RIMBP2: variants seen among roughly 807,000 people sequenced by gnomAD.
The protein encoded by RIMBP2 is RIMS-binding protein 2.
Under a neutral mutation model 118.6 loss-of-function variants are expected in RIMBP2, and 48 were observed. That is an observed-to-expected ratio of 0.40 (90% CI 0.32 to 0.51). RIMBP2 has a LOEUF of 0.51. RIMBP2 is among the 20% of genes least tolerant of loss of function. The pLI, the probability that RIMBP2 is intolerant of heterozygous loss-of-function variation, is 0.41. For synonymous variants in RIMBP2, 762 were observed against 742.9 expected, an observed-to-expected ratio of 1.03 and a Z score of -0.42; for missense variants, 1,551 against 1,768.3, an observed-to-expected ratio of 0.88 and a Z score of 2.20.
chr12:130,565,422 G>T (rs1288077435), intron 2 of RIMBP2, among the ~76,000 whole-genome samples: 1 of 152,104 alleles, frequency 6.6e-6, no homozygotes, highest in African/African-American at 2.4e-5. Context: ...TCTCCCCAAT[G>T]GATCATGAGT....
At position 130,703,495 on chromosome 12, in the gene RIMBP2, A is replaced by G. The variant is rs2065956532; in HGVS notation, c.-352+12727T>C. On this transcript the variant is annotated intron_variant, in intron 1 of 22. Coordinates refer to ENST00000690449, the MANE Select transcript of RIMBP2 (RefSeq NM_001393629.1). The surrounding 1 kb of genome is among the most constrained non-coding windows in gnomAD (Gnocchi z 5.7). ...CTCGGCCACCCGCCTGCCCTCCCCA[A>G]TCCCTCACCCACTGCTGCGACCACC... 1.3e-5 allele frequency among the ~76,000 whole-genome samples: 2 copies of G among 152,042 alleles called. No individual in the cohort carries two copies. Among genetic ancestry groups the G allele is most frequent in the East Asian group, 1.9e-4 (1 of 5,164 alleles).
rs2078633725 is a variant in RIMBP2, at chr12:130,447,520, T to G, written c.582-2251A>C. Among the ~76,000 whole-genome samples, 1 of 150,846 alleles carries G rather than the reference T, an allele frequency of 6.6e-6. No individual in the cohort carries two copies. Among genetic ancestry groups the G allele is most frequent in the Non-Finnish European group, 1.5e-5 (1 of 67,766 alleles). ...ACAGGTGATCACTGATGGGAATGGG[T>G]TCTTGAGGGGCGATGGGAGACGAGG... On this transcript the variant is annotated intron_variant, in intron 9 of 22. Transcript: ENST00000690449. This position sits in a 1 kb window ranked among gnomAD's most constrained non-coding sequence, Gnocchi z 4.4.
At chr12:130,496,916 G>T (rs540490352) in intron 4 of RIMBP2, among the ~76,000 whole-genome samples, 1 of 152,290 alleles carries the variant, frequency 6.6e-6, no homozygotes, top group East Asian at 1.9e-4. Flanking sequence ...TACACTGGGG[G>T]CTTAAAACAA....
chr12:130,411,753 G>A (rs749797154), intron 19 of RIMBP2, among the ~76,000 whole-genome samples: 25 of 152,112 alleles, frequency 1.6e-4, no homozygotes, highest in Non-Finnish European at 2.1e-4. Flanking sequence ...TAATGTGGGC[G>A]ATATATTCAC....
In RIMBP2 at chr12:130,397,313, A is replaced by G. The variant is rs2074138617; in HGVS notation, c.*48T>C. 5.0e-5 allele frequency: 20 copies of G among 398,600 alleles called. No individual in the cohort carries two copies. The East Asian group carries it at 7.1e-4, about 14-fold the overall frequency. The allele number at this position is 398,600 out of a possible 1,614,324, so 24.7% of individuals were successfully genotyped here. ...TTGAGTCATGAAAGCCCTAGTTTGGAATTAAAGAAAATTACATAGATTTGG... is the reference window on the plus strand; with the variant it reads ...TTGAGTCATGAAAGCCCTAGTTTGGGATTAAAGAAAATTACATAGATTTGG... On this transcript the variant is annotated 3_prime_UTR_variant, in exon 23 of 23. Transcript: ENST00000690449.
rs2140849525 is a variant in RIMBP2, at chr12:130,622,226, T to G, written c.-217+6096A>C. Among the ~76,000 whole-genome samples, 1 of 152,272 alleles carries G rather than the reference T, an allele frequency of 6.6e-6. No homozygotes were observed. Among genetic ancestry groups the G allele is most frequent in the Admixed American group, 6.5e-5 (1 of 15,292 alleles). On this transcript the variant is annotated intron_variant, in intron 2 of 22. Transcript: ENST00000690449. The surrounding 1 kb of genome is among the most constrained non-coding windows in gnomAD (Gnocchi z 8.5). ...GTAACAGGCAGGGCCTGTGGCTGAC[T>G]GGAGCAGACGTGAAGCCCCCACAAG...
Position 130,456,685 on chromosome 12 carries a change from G to A in RIMBP2, c.169C>T (p.Leu57=), listed in dbSNP as rs2079472947. 1 of 1,607,556 alleles carries A rather than the reference G, an allele frequency of 6.2e-7. No homozygotes were observed. Among genetic ancestry groups the A allele is most frequent in the South Asian group, 1.1e-5 (1 of 90,754 alleles). ...CTTTGAGTCCGGCATTTCTCTTCCA[G>A]CTCTCGAACCTTGGACTGCACGGCA... is the stretch of plus-strand genomic sequence containing the variant. ...VRLLESKVRE[L]EEKCRTQSEQ... Residue 57 remains leucine, a synonymous_variant, in exon 7 of 23, where the codon CTG becomes TTG. Transcript: ENST00000690449.
At chr12:130,520,260 G>C (rs1415156965) in intron 2 of RIMBP2, among the ~76,000 whole-genome samples, 1 of 152,134 alleles carries the variant, frequency 6.6e-6, no homozygotes, top group African/African-American at 2.4e-5. Context: ...TCTAAATCCT[G>C]TCCAGGAAAC....
intron 2 of RIMBP2, among the ~76,000 whole-genome samples, chr12:130,573,196 T>C (rs577354508): frequency 6.6e-6 from 1 of 152,104 alleles, no homozygotes; most frequent in East Asian, 1.9e-4. Flanking sequence ...GTATCTATAC[T>C]TATTCTATAT....
chr12:130,597,169 A>G (rs988359718), intron 2 of RIMBP2, among the ~76,000 whole-genome samples: 1 of 152,250 alleles, frequency 6.6e-6, no homozygotes, highest in African/African-American at 2.4e-5. Context: ...CTCATAAACA[A>G]AAAAAATTAT....
At chr12:130,406,484 A>C (rs2075184214) in intron 20 of RIMBP2, among the ~76,000 whole-genome samples, 1 of 152,212 alleles carries the variant, frequency 6.6e-6, no homozygotes, top group East Asian at 1.9e-4. Context: ...TTTGGCCAAA[A>C]TTCAAGATTA....
rs1189515681 is a variant in RIMBP2, at chr12:130,456,672, C to T, written c.182G>A (p.Cys61Tyr). The part of the protein sequence containing the change: ...ESKVRELEEK[C>Y]RTQSEQFNLL... ...GTTGAACTGCTCACTTTGAGTCCGG[C>T]ATTTCTCTTCCAGCTCTCGAACCTT... The change falls in exon 7 of 23, where the codon TGC (cysteine) becomes TAC (tyrosine). Residue 61 changes from cysteine (C) to tyrosine (Y), a missense_variant. Cys to Tyr is a radical substitution (Grantham distance 194, BLOSUM62 -2). Coordinates refer to ENST00000690449, the MANE Select transcript of RIMBP2 (RefSeq NM_001393629.1). 1 of 1,609,040 alleles carries T rather than the reference C, an allele frequency of 6.2e-7. No individual in the cohort carries two copies. Among genetic ancestry groups the T allele is most frequent in the Non-Finnish European group, 8.5e-7 (1 of 1,176,404 alleles).
intron 2 of RIMBP2, among the ~76,000 whole-genome samples, chr12:130,610,938 T>C (rs924447316): frequency 2.0e-5 from 3 of 152,216 alleles, no homozygotes; most frequent in African/African-American, 4.8e-5. Context: ...CATTGGAGGC[T>C]GTTGCTGCCC....
At chr12:130,679,639 T>C (rs1184829784) in intron 1 of RIMBP2, among the ~76,000 whole-genome samples, 1 of 152,230 alleles carries the variant, frequency 6.6e-6, no homozygotes, top group African/African-American at 2.4e-5. Context: ...GGCTGTGATG[T>C]GTACCCTTTT....
At chr12:130,471,957 G>A in intron 5 of RIMBP2, 1 of 153,252 alleles carries the variant, frequency 6.5e-6, no homozygotes, top group Non-Finnish European at 1.5e-5. Flanking sequence ...GAATGCTGCG[G>A]GAGAGGGAAG....
intron 4 of RIMBP2, among the ~76,000 whole-genome samples, chr12:130,494,638 C>CCA (rs1555269292): frequency 7.6e-4 from 103 of 135,884 alleles, no homozygotes; most frequent in Middle Eastern, 3.5e-3. Flanking sequence ...AACCCTGTCT[C>CCA]AAAAAAAAAA....
At chr12:130,645,234 C>T (rs113544724) in intron 1 of RIMBP2, among the ~76,000 whole-genome samples, 28 of 152,230 alleles carry the variant, frequency 1.8e-4, no homozygotes, top group East Asian at 3.9e-4. Context: ...GCTGGGACTA[C>T]GGTGTGTCCA....
chr12:130,618,025 A>ACC (rs2061060411), intron 2 of RIMBP2, among the ~76,000 whole-genome samples: 2 of 498 alleles, frequency 4.0e-3, no homozygotes, highest in Non-Finnish European at 0.25. Context: ...GACCTCTTCT[A>ACC]AAAAAAAAAA....
intron 4 of RIMBP2, among the ~76,000 whole-genome samples, chr12:130,489,856 C>T (rs1168506153): frequency 6.6e-6 from 1 of 152,112 alleles, no homozygotes; most frequent in Non-Finnish European, 1.5e-5. Context: ...TTTCAAAATG[C>T]GTGTCTTAAA....
Sources: allele counts gnomAD v4.1 joint callset (sites outside exome capture counted in the v4.1 genomes callset), GRCh38; gene constraint gnomAD v4.1.1; non-coding constraint Gnocchi (gnomAD v3.1); transcripts MANE v1.5; gene names NCBI Gene and HGNC (gene_info 2026-07-23, HGNC 2026-07-21).